The following ANKRD36C variants were observed in gnomAD, a reference collection of about 807,000 sequenced individuals.
ANKRD36C encodes ankyrin repeat domain-containing protein 36C.
A neutral mutation model predicts 276.4 loss-of-function variants in ANKRD36C; 61 were observed. The ratio of observed to expected loss-of-function variants is 0.22; its 90% CI spans 0.18 to 0.27. The LOEUF (loss-of-function observed/expected upper bound fraction) is 0.27. Among genes scored for constraint, ANKRD36C ranks in the 10% least tolerant of loss-of-function variants. The pLI is 1.00. For missense variants in ANKRD36C, 1,447 were observed against 2,032.3 expected, an observed-to-expected ratio of 0.71 and a Z score of 5.54; for synonymous variants, 483 against 680.1, an observed-to-expected ratio of 0.71 and a Z score of 4.51.
At chr2:95,881,028 T>C (rs1333138331) in intron 56 of ANKRD36C, among the ~76,000 whole-genome samples, 2 of 152,234 alleles carry the variant, frequency 1.3e-5, no homozygotes, top group African/African-American at 2.4e-5. Flanking sequence ...TATACCAGTA[T>C]AACATAAACA....
At chr2:95,964,727 A>T (rs199768282) in intron 6 of ANKRD36C, among the ~76,000 whole-genome samples, 4 of 151,948 alleles carry the variant, frequency 2.6e-5, no homozygotes, top group African/African-American at 9.7e-5. Context: ...ATGCTTTCAC[A>T]TCATATTATG....
intron 4 of ANKRD36C, among the ~76,000 whole-genome samples, chr2:95,981,212 C>T (rs1573818237): frequency 1.3e-5 from 2 of 151,552 alleles, no homozygotes; most frequent in Non-Finnish European, 2.9e-5. Flanking sequence ...TAGTAGTAGT[C>T]GTAGCTTCAG....
At chr2:95,929,611 A>G (rs1270642658) in intron 24 of ANKRD36C, among the ~76,000 whole-genome samples, 2 of 151,794 alleles carry the variant, frequency 1.3e-5, no homozygotes, top group East Asian at 3.9e-4. Flanking sequence ...ACACCTGGGA[A>G]TCAACGTCAA....
At chr2:95,960,422 T>A in intron 10 of ANKRD36C, 51 bp downstream of exon 10, 2 of 1,538,122 alleles carry the variant, frequency 1.3e-6, no homozygotes, top group Non-Finnish European at 1.7e-6. Flanking sequence ...GGAAGGGAAG[T>A]TCTCCTCTAT....
At chr2:95,924,557 T>C (rs1677355873) in intron 30 of ANKRD36C, among the ~76,000 whole-genome samples, 1 of 151,646 alleles carries the variant, frequency 6.6e-6, no homozygotes, top group African/African-American at 2.4e-5. Flanking sequence ...CATTGTATTA[T>C]AAAGAATTTT....
At position 95,912,383 on chromosome 2, in the gene ANKRD36C, C is replaced by G. The variant is rs777978460; in HGVS notation, c.2580+24G>C. The G allele has an allele frequency of 3.7e-6, 6 of 1,603,666 alleles. No homozygotes were observed. In the Admixed American group the frequency reaches 6.7e-5, roughly 18 times the overall value. Reference sequence around the variant, plus strand: ...CATAGGCTTTACGTTTACTAGCTCACAATATGAATGAGAGTTTCATTACCT... The same window carrying G: ...CATAGGCTTTACGTTTACTAGCTCAGAATATGAATGAGAGTTTCATTACCT... On this transcript the variant is annotated intron_variant, in intron 41 of 66. Coordinates refer to ENST00000456556, the Ensembl canonical transcript of ANKRD36C.
chr2:95,934,120 TG>T, intron 24 of ANKRD36C, among the ~76,000 whole-genome samples: 1 of 152,228 alleles, frequency 6.6e-6, no homozygotes, highest in Admixed American at 6.5e-5. Context: ...CTGGAGAGGA[TG>T]TGGAGAAATA....
chr2:95,903,126 C>T, intron 42 of ANKRD36C, 45 bp from the exon 53 acceptor site: 2 of 1,543,238 alleles, frequency 1.3e-6, no homozygotes, highest in Non-Finnish European at 1.8e-6. Context: ...GTAAAAATGA[C>T]AAAATTATCC....
chr2:95,866,921 G>C (rs1675693212), intron 60 of ANKRD36C, among the ~76,000 whole-genome samples: 1 of 152,150 alleles, frequency 6.6e-6, no homozygotes. Flanking sequence ...AAACACCTAA[G>C]GCACTGGCTG....
chr2:95,912,326 A>G lies in ANKRD36C; in HGVS notation c.2581-10T>C. On this transcript the variant is annotated splice_polypyrimidine_tract_variant and intron_variant, in intron 41 of 66. Transcript: ENST00000456556. ...TCTCATCACTTGTAGCCTGAATGGA[A>G]TTTGAAACAAAATAATAAATAAGGT... is the stretch of plus-strand genomic sequence containing the variant. 1 of 1,590,856 alleles carries G rather than the reference A, an allele frequency of 6.3e-7. No homozygotes were observed. The highest frequency in any genetic ancestry group is 8.5e-7 in the Non-Finnish European group (1 of 1,170,228).
At chr2:95,922,110 A>C (rs1399633684) in intron 32 of ANKRD36C, among the ~76,000 whole-genome samples, 1 of 151,682 alleles carries the variant, frequency 6.6e-6, no homozygotes, top group Non-Finnish European at 1.5e-5. Flanking sequence ...ATGTGATCAA[A>C]AATCAGAGGG....
intron 5 of ANKRD36C, 89 bp downstream of exon 5, chr2:95,980,559 G>A: frequency 6.8e-7 from 1 of 1,467,220 alleles, no homozygotes; most frequent in Non-Finnish European, 9.1e-7. Context: ...ATCAAACTAT[G>A]CAATCTCACC....
Position 95,856,024 on chromosome 2 carries a change from C to G in ANKRD36C, c.4237G>C (p.Asp1413His), listed in dbSNP as rs754115729. The change falls in exon 63 of 67, where the codon GAC becomes CAC. Residue 1413 changes from aspartate (D) to histidine (H), a missense_variant. Physicochemically the swap from Asp to His is moderately conservative, Grantham distance 81. Around this residue, in one of 13 missense-constraint regions of ANKRD36C, gnomAD observed 437 missense variants for 641.0 expected, o/e 0.68. Coordinates refer to ENST00000456556, the Ensembl canonical transcript of ANKRD36C. Reference sequence around the variant, plus strand: ...TTCCGTTTTAGAGCCTTTTGAAGGTCTTCATGCTTTCTTTTCACAATTTCA... The same window carrying G: ...TTCCGTTTTAGAGCCTTTTGAAGGTGTTCATGCTTTCTTTTCACAATTTCA... 11 of 1,611,490 alleles carry G rather than the reference C, an allele frequency of 6.8e-6. No individual in the cohort carries two copies. In the South Asian group the frequency reaches 1.2e-4, roughly 18 times the overall value.
chr2:95,976,858 T>G (rs1482275930), intron 6 of ANKRD36C, among the ~76,000 whole-genome samples: 6 of 152,130 alleles, frequency 3.9e-5, no homozygotes, highest in Middle Eastern at 3.4e-3. Context: ...ATTCTCACTT[T>G]TTTTATTTTT....
intron 17 of ANKRD36C, among the ~76,000 whole-genome samples, chr2:95,945,951 A>C (rs976599960): frequency 7.2e-5 from 11 of 152,220 alleles, no homozygotes; most frequent in Admixed American, 7.2e-4. Flanking sequence ...ATCAAATATC[A>C]GCTTAAAAGA....
chr2:95,914,032 C>G (rs1023975104), intron 40 of ANKRD36C, 76 bp downstream of exon 42: 2 of 1,392,758 alleles, frequency 1.4e-6, no homozygotes, highest in African/African-American at 1.4e-5. Flanking sequence ...AACGAGCCCC[C>G]CGCTGATTTC....
intron 1 of ANKRD36C, 21 bp downstream of exon 1, chr2:95,991,491 C>T: frequency 6.4e-7 from 1 of 1,572,302 alleles, no homozygotes; most frequent in Non-Finnish European, 8.6e-7. Flanking sequence ...TCCCGCAGCC[C>T]CGGCTCCCGG....
At chr2:95,946,402 G>GA (rs1351287408) in intron 17 of ANKRD36C, among the ~76,000 whole-genome samples, 5 of 142,366 alleles carry the variant, frequency 3.5e-5, no homozygotes, top group African/African-American at 1.0e-4. Context: ...AAAAAGTCAG[G>GA]AAACAACAGG....
At chr2:95,965,104 C>A (rs1364304198) in intron 6 of ANKRD36C, among the ~76,000 whole-genome samples, 6 of 151,904 alleles carry the variant, frequency 3.9e-5, no homozygotes, top group Middle Eastern at 6.8e-3. Context: ...GAGATCCTTA[C>A]TAGATCCAAG....
Sources: gnomAD v4.1 joint callset for allele counts (sites outside exome capture counted in the v4.1 genomes callset) on GRCh38, gnomAD v4.1.1 for gene constraint, gnomAD v4.1.1 regional missense constraint, MANE v1.5 for transcripts, NCBI Gene and HGNC (gene_info 2026-07-23, HGNC 2026-07-21) for gene names.